Variants in ALG9 observed in about 807,000 individuals in gnomAD.
ALG9 encodes the protein alpha-1,2-mannosyltransferase ALG9.
ALG9 carries 55 observed loss-of-function variants against 81.8 expected under a neutral mutation model. That is an observed-to-expected ratio of 0.67 (90% CI 0.54 to 0.84). The LOEUF is 0.84. ALG9 is among the 40% of genes least tolerant of loss of function. The pLI is 0.00. For synonymous variants in ALG9, 278 were observed against 274.3 expected (o/e 1.01, Z -0.13); for missense variants, 629 against 745.0 (o/e 0.84, Z 1.81).
intron 13 of ALG9, among the ~76,000 whole-genome samples, chr11:111,814,206 A>G (rs1951147717): frequency 6.6e-6 from 1 of 152,262 alleles, no homozygotes; most frequent in Non-Finnish European, 1.5e-5. Flanking sequence ...ACAGGCAATA[A>G]CATGTGTGAT....
rs1253085117 is a variant in ALG9 at position 111,871,572 on chromosome 11, G to A, written c.-90C>T. ...GGCTGGCAAACGGTGTCCGCCGAGGGACAAAAGACCTTGACATGCGCAGAA... is the reference window on the plus strand; with the variant it reads ...GGCTGGCAAACGGTGTCCGCCGAGGAACAAAAGACCTTGACATGCGCAGAA... On this transcript the variant is annotated 5_prime_UTR_variant, in exon 1 of 15. Transcript: ENST00000616540. 9.8e-6 allele frequency: 15 copies of A among 1,531,890 alleles called. No individual in the cohort carries two copies. The East Asian group carries it at 3.4e-4, about 35-fold the overall frequency. The allele number at this position is 1,531,890 out of a possible 1,614,324, so 94.9% of individuals were successfully genotyped here.
In ALG9 at chr11:111,871,344, A is replaced by G; in HGVS notation, c.131+8T>C. The G allele has an allele frequency of 6.7e-7, 1 of 1,499,786 alleles. No individual in the cohort carries two copies. Among genetic ancestry groups the G allele is most frequent in the East Asian group, 2.6e-5 (1 of 37,746 alleles). 92.9% of individuals were successfully genotyped at this position (1,499,786 alleles called of 1,614,324 possible). The stretch of plus-strand genomic sequence containing the variant: ...GCCGGCCACGCCCCTGCCGCGCCGC[A>G]CACGTACTCGGTCCGGTGCTCCGCG... On this transcript the variant is annotated splice_region_variant and intron_variant, in intron 1 of 14. Transcript: ENST00000616540.
chr11:111,771,348 C>T, the ALG9 span: 1 of 152,602 alleles, frequency 6.6e-6, no homozygotes, highest in East Asian at 1.9e-4. Flanking sequence ...AGGAGAATCG[C>T]TTGAACCCAG....
At chr11:111,800,633 C>A (rs1555079645) in intron 14 of ALG9, among the ~76,000 whole-genome samples, 1 of 152,028 alleles carries the variant, frequency 6.6e-6, no homozygotes, top group Admixed American at 6.6e-5. Flanking sequence ...CCACTGCTCA[C>A]TCCTCTTGCA....
At chr11:111,851,492 A>G (rs1045855713) in intron 8 of ALG9, among the ~76,000 whole-genome samples, 1 of 151,972 alleles carries the variant, frequency 6.6e-6, no homozygotes, top group Non-Finnish European at 1.5e-5. Flanking sequence ...AAAAAAAAAA[A>G]AAAGAGAGAG....
In ALG9 at chr11:111,853,457, T is replaced by C. The variant is rs781881316; in HGVS notation, c.818A>G (p.Tyr273Cys). 6.8e-6 allele frequency: 11 copies of C among 1,614,032 alleles called. No homozygotes were observed. Among genetic ancestry groups the C allele is most frequent in the Non-Finnish European group, 9.3e-6 (11 of 1,179,924 alleles). Reference sequence around the variant, plus strand: ...TGGTGCAATCACCAACTTCCCATAATAGTAGCTGTCAATGACCACCACAGG... The same window carrying C: ...TGGTGCAATCACCAACTTCCCATAACAGTAGCTGTCAATGACCACCACAGG... ...LVPVVVIDSYYYGKLVIAPLN... is the reference protein window; with the variant it reads ...LVPVVVIDSYCYGKLVIAPLN... Residue 273 changes from tyrosine to cysteine, a missense_variant, in exon 8 of 15, where the codon TAT (tyrosine) becomes TGT (cysteine). Transcript: ENST00000616540.
intron 13 of ALG9, among the ~76,000 whole-genome samples, chr11:111,813,532 G>A (rs1951046109): frequency 6.6e-6 from 1 of 152,130 alleles, no homozygotes; most frequent in African/African-American, 2.4e-5. Context: ...AGCCCAGGAG[G>A]TAGAGGTTGC....
intron 3 of ALG9, among the ~76,000 whole-genome samples, chr11:111,867,136 G>C (rs1289851212): frequency 6.6e-6 from 1 of 152,172 alleles, no homozygotes; most frequent in African/African-American, 2.4e-5. Context: ...AAATGGAAAT[G>C]AGATACCGGA....
At chr11:111,790,482 A>T (rs1002995661) in intron 14 of ALG9, among the ~76,000 whole-genome samples, 3 of 152,200 alleles carry the variant, frequency 2.0e-5, no homozygotes, top group African/African-American at 4.8e-5. Context: ...AAAAAAATTT[A>T]AAAAATAAGT....
chr11:111,823,766 T>C (rs645411), intron 13 of ALG9, among the ~76,000 whole-genome samples: 108,593 of 152,140 alleles, frequency 0.71, 39,556 homozygotes, highest in African/African-American at 0.87. Flanking sequence ...TAGGTGATGG[T>C]AAATAAAGAA....
rs1555057473 is a variant in ALG9, at chr11:111,782,435, T to C, written c.*3962A>G. ...CCAGAAAGCCTCTGAAATCCAACGA[T>C]GCCATACGGAAGTCTGATCTTTCTG... On this transcript the variant is annotated 3_prime_UTR_variant, in exon 15 of 15. Coordinates refer to ENST00000616540, the MANE Select transcript of ALG9 (RefSeq NM_024740.2). 6.6e-6 allele frequency: 1 copy of C among 152,548 alleles called. No individual in the cohort carries two copies. The highest frequency in any genetic ancestry group is 1.9e-4 in the East Asian group (1 of 5,192). The allele number at this position is 152,548 out of a possible 1,614,324, so 9.4% of individuals were successfully genotyped here. A position where few individuals can be genotyped will look rare whatever the true frequency, so the allele number is the denominator to read the frequency against.
the ALG9 span, among the ~76,000 whole-genome samples, chr11:111,772,916 A>G: frequency 6.6e-6 from 1 of 152,162 alleles, no homozygotes; most frequent in African/African-American, 2.4e-5. Context: ...GTGCTTTGTT[A>G]GTGGAAAGCA....
chr11:111,784,731 A>G lies in ALG9; in HGVS notation c.*1666T>C, dbSNP rs1288069359. The G allele has an allele frequency of 6.6e-6, 1 of 152,242 alleles. No homozygotes were observed. The highest frequency in any genetic ancestry group is 1.9e-4 in the East Asian group (1 of 5,204). 9.4% of individuals were successfully genotyped at this position (152,242 alleles called of 1,614,324 possible). A position where few individuals can be genotyped will look rare whatever the true frequency, so the allele number is the denominator to read the frequency against. Reference sequence around the variant, plus strand: ...AGACTCTGTCTCAAAAAAAAAAAGAAAAATGAAAGATGGAACTTCTGAAAA... The same window carrying G: ...AGACTCTGTCTCAAAAAAAAAAAGAGAAATGAAAGATGGAACTTCTGAAAA... On this transcript the variant is annotated 3_prime_UTR_variant, in exon 15 of 15. Transcript: ENST00000616540.
At chr11:111,863,228 T>C (rs1178867695) in intron 4 of ALG9, among the ~76,000 whole-genome samples, 2 of 152,108 alleles carry the variant, frequency 1.3e-5, no homozygotes, top group Admixed American at 1.3e-4. Context: ...CGTGGTGGTT[T>C]GCACCTGTAA....
chr11:111,777,161 A>G, the ALG9 span, among the ~76,000 whole-genome samples: 1 of 152,192 alleles, frequency 6.6e-6, no homozygotes, highest in Non-Finnish European at 1.5e-5. Context: ...AACACATTTT[A>G]TGTTACCTAT....
intron 13 of ALG9, among the ~76,000 whole-genome samples, chr11:111,828,177 G>T (rs1460271055): frequency 6.6e-6 from 1 of 152,110 alleles, no homozygotes; most frequent in Non-Finnish European, 1.5e-5. Context: ...CTGGGTGACA[G>T]AGCAAGACTC....
chr11:111,839,568 G>A (rs1326485004), intron 10 of ALG9, among the ~76,000 whole-genome samples: 1 of 111,364 alleles, frequency 9.0e-6, no homozygotes, highest in South Asian at 3.3e-4. Context: ...CAGCCTGGGC[G>A]ACAGAGCAAG....
At chr11:111,838,500 C>T in intron 10 of ALG9, 101 bp from the exon 11 acceptor site, 2 of 1,062,836 alleles carry the variant, frequency 1.9e-6, no homozygotes, top group Non-Finnish European at 2.7e-6. Flanking sequence ...GGGATCTGAG[C>T]ATTTGCCAAC....
At position 111,844,749 on chromosome 11, in the gene ALG9, T is replaced by C. The variant is rs377092658; in HGVS notation, c.896-26A>G. ...CTGAGGGAGACATAAAGGTAAGAAA[T>C]CATTAGTGGATGCCTTTAACACCTA... On this transcript the variant is annotated intron_variant, in intron 8 of 14. Transcript: ENST00000616540. The C allele has an allele frequency of 1.9e-6, 3 of 1,612,006 alleles. No homozygotes were observed. In the African/African-American group the frequency reaches 4.0e-5, roughly 22 times the overall value.
Sources: gnomAD v4.1 joint callset for allele counts (sites outside exome capture counted in the v4.1 genomes callset) on GRCh38, gnomAD v4.1.1 for gene constraint, MANE v1.5 for transcripts, NCBI Gene and HGNC (gene_info 2026-07-23, HGNC 2026-07-21) for gene names.